STRN3: variants seen among roughly 807,000 people sequenced by gnomAD.
The protein encoded by STRN3 is striatin-3.
STRN3 carries 29 observed loss-of-function variants against 95.6 expected under a neutral mutation model. That is an observed-to-expected ratio of 0.30 (90% CI 0.23 to 0.41). The LOEUF is 0.41. Ranked by LOEUF, STRN3 falls within the 10% of genes least tolerant of loss-of-function variation. The pLI is 1.00. For missense variants in STRN3, 890 were observed against 972.1 expected, an observed-to-expected ratio of 0.92 and a Z score of 1.12; for synonymous variants, 331 against 357.6, an observed-to-expected ratio of 0.93 and a Z score of 0.84.
Position 30,894,950 on chromosome 14 carries a change from G to A in STRN3, c.*461C>T, listed in dbSNP as rs539865179. The A allele has an allele frequency of 4.8e-6, 5 of 1,049,262 alleles. No homozygotes were observed. The highest frequency in any genetic ancestry group is 8.1e-5 in the East Asian group (1 of 12,310). 65.0% of individuals were successfully genotyped at this position (1,049,262 alleles called of 1,614,324 possible). Reference sequence around the variant, plus strand: ...AAAAGGGAATCTGTGGCATTCAACCGATAAACAGAAGATCACTAAGAGATG... The same window carrying A: ...AAAAGGGAATCTGTGGCATTCAACCAATAAACAGAAGATCACTAAGAGATG... On this transcript the variant is annotated 3_prime_UTR_variant, in exon 18 of 18. Coordinates refer to ENST00000357479, the MANE Select transcript of STRN3 (RefSeq NM_001083893.2).
rs1181627848 is a variant in STRN3 at position 30,906,857 on chromosome 14, C to T, written c.1888+20G>A. 2 of 1,591,698 alleles carry T rather than the reference C, an allele frequency of 1.3e-6. No homozygotes were observed. The highest frequency in any genetic ancestry group is 1.7e-4 in the Middle Eastern group (1 of 5,912). On this transcript the variant is annotated intron_variant, in intron 14 of 17. Coordinates refer to ENST00000357479, the MANE Select transcript of STRN3 (RefSeq NM_001083893.2). ...TTTTTAAAAAAACTAACTTTTCTCA[C>T]AGATGCAAAATTTACTTACTTTTAT...
At chr14:30,975,612 G>A (rs1881062375) in intron 1 of STRN3, among the ~76,000 whole-genome samples, 1 of 150,138 alleles carries the variant, frequency 6.7e-6, no homozygotes, top group Non-Finnish European at 1.5e-5. Context: ...AAAAAGAAAA[G>A]AAAGAGGAAG....
chr14:31,020,214 A>G (rs1222370530), intron 1 of STRN3, among the ~76,000 whole-genome samples: 2 of 152,196 alleles, frequency 1.3e-5, no homozygotes, highest in Admixed American at 1.3e-4. Flanking sequence ...AAAGTGTTCA[A>G]TAGGTCAGGC....
At chr14:30,941,713 C>A (rs1323617425) in intron 5 of STRN3, among the ~76,000 whole-genome samples, 1 of 152,094 alleles carries the variant, frequency 6.6e-6, no homozygotes, top group Non-Finnish European at 1.5e-5. Context: ...GCAACCTCTG[C>A]CTACCAGGTT....
At chr14:30,930,901 T>C (rs986943570) in intron 7 of STRN3, among the ~76,000 whole-genome samples, 15 of 152,142 alleles carry the variant, frequency 9.9e-5, no homozygotes, top group Non-Finnish European at 1.2e-4. Context: ...TGATACATTA[T>C]GAGCAAATAT....
chr14:30,952,183 T>C (rs927595913), intron 3 of STRN3, among the ~76,000 whole-genome samples: 3 of 152,090 alleles, frequency 2.0e-5, no homozygotes, highest in African/African-American at 7.2e-5. Context: ...CTAGCATCTC[T>C]ATAACAAAAT....
chr14:30,956,567 TCAAA>T (rs569148660), intron 1 of STRN3, among the ~76,000 whole-genome samples: 100 of 152,194 alleles, frequency 6.6e-4, no homozygotes, highest in South Asian at 8.3e-4. Flanking sequence ...AGACTCTGTC[TCAAA>T]CAAACAAACA....
At chr14:30,917,055 T>C (rs1031106038) in intron 9 of STRN3, among the ~76,000 whole-genome samples, 3 of 152,154 alleles carry the variant, frequency 2.0e-5, no homozygotes, top group African/African-American at 7.2e-5. Flanking sequence ...TAAAATGAGG[T>C]AGGACATGGA....
chr14:30,939,728 T>C (rs1879002829), intron 5 of STRN3, among the ~76,000 whole-genome samples: 2 of 152,140 alleles, frequency 1.3e-5, no homozygotes, highest in African/African-American at 4.8e-5. Context: ...TCCTACACAC[T>C]AGGAACAACC....
At chr14:30,956,101 T>C in intron 2 of STRN3, 38 bp downstream of exon 2, 1 of 1,556,620 alleles carries the variant, frequency 6.4e-7, no homozygotes, top group Non-Finnish European at 8.9e-7. Flanking sequence ...TATACTATTG[T>C]TCTACTTTAT....
intron 16 of STRN3, among the ~76,000 whole-genome samples, chr14:30,896,293 G>A (rs573506868): frequency 6.6e-6 from 1 of 152,164 alleles, no homozygotes; most frequent in African/African-American, 2.4e-5. Flanking sequence ...ACACTGTAAA[G>A]CAATGACAAT....
rs558761743 is a variant in STRN3 at position 30,996,138 on chromosome 14, G to C, written c.282+29766C>G. ...AAATATCTCCCATAACAAACTTCAC[G>C]CATGCTAACTGCTGCCTCAGCTCCC... On this transcript the variant is annotated intron_variant, in intron 1 of 17. Coordinates refer to ENST00000357479, the MANE Select transcript of STRN3 (RefSeq NM_001083893.2). Among the ~76,000 whole-genome samples, 6 of 152,196 alleles carry C rather than the reference G, an allele frequency of 3.9e-5. No individual in the cohort carries two copies. In the South Asian group the frequency reaches 8.3e-4, roughly 21 times the overall value.
At chr14:30,956,977 G>A (rs966846165) in intron 1 of STRN3, among the ~76,000 whole-genome samples, 9 of 151,822 alleles carry the variant, frequency 5.9e-5, no homozygotes, top group Admixed American at 5.9e-4. Flanking sequence ...TGGCCAACAT[G>A]GTGAAACCCC....
chr14:30,926,354 T>C (rs1165724786), intron 8 of STRN3, among the ~76,000 whole-genome samples: 1 of 152,000 alleles, frequency 6.6e-6, no homozygotes, highest in Non-Finnish European at 1.5e-5. Flanking sequence ...TAAATGACTA[T>C]GAAACATTAA....
chr14:30,975,812 T>G (rs1202886274), intron 1 of STRN3, among the ~76,000 whole-genome samples: 1 of 128,194 alleles, frequency 7.8e-6, no homozygotes, highest in South Asian at 2.4e-4. Context: ...CCAGCCTGGG[T>G]GACAGAGACA....
At position 30,955,667 on chromosome 14, in the gene STRN3, C is replaced by T; in HGVS notation, c.413G>A (p.Gly138Asp). Reference protein sequence around the residue: ...ERAKYHKLKYGTELNQGDLKM... With the variant: ...ERAKYHKLKYDTELNQGDLKM... Reference sequence around the variant, plus strand: ...CAAGTCACCTTGGTTCAGTTCCGTGCCATATTTTAATTTGTGATATTTTGC... The same window carrying T: ...CAAGTCACCTTGGTTCAGTTCCGTGTCATATTTTAATTTGTGATATTTTGC... Residue 138 changes from glycine to aspartate, a missense_variant, in exon 3 of 18, where the codon GGC becomes GAC. This residue lies in a region of STRN3 where 526 missense variants were observed against 526.3 expected (regional missense o/e 1.00). Transcript: ENST00000357479. 1 of 1,580,682 alleles carries T rather than the reference C, an allele frequency of 6.3e-7. No homozygotes were observed.
intron 1 of STRN3, among the ~76,000 whole-genome samples, chr14:30,958,924 A>T (rs1479212013): frequency 1.3e-5 from 2 of 152,232 alleles, no homozygotes; most frequent in Non-Finnish European, 2.9e-5. Context: ...ACCACACACC[A>T]AAAAGCAAAA....
Position 30,894,661 on chromosome 14 carries a change from T to G in STRN3, c.*750A>C, listed in dbSNP as rs1594398493. The G allele has an allele frequency of 6.3e-6, 1 of 157,484 alleles. No homozygotes were observed. Among genetic ancestry groups the G allele is most frequent in the South Asian group, 1.8e-4 (1 of 5,470 alleles). 9.8% of individuals were successfully genotyped at this position (157,484 alleles called of 1,614,324 possible). ...TGATGAAAGTTATTTAGCATCTTTA[T>G]GGAAGGACTTAGCTGAGCTGTATTA... is the stretch of plus-strand genomic sequence containing the variant. On this transcript the variant is annotated 3_prime_UTR_variant, in exon 18 of 18. Coordinates refer to ENST00000357479, the MANE Select transcript of STRN3 (RefSeq NM_001083893.2).
intron 9 of STRN3, among the ~76,000 whole-genome samples, chr14:30,918,149 T>C (rs1896787006): frequency 1.3e-5 from 2 of 152,178 alleles, no homozygotes; most frequent in Admixed American, 1.3e-4. Flanking sequence ...AGAATAATGA[T>C]GCTGCCTTAT....
Sources: gnomAD v4.1 joint callset for allele counts (sites outside exome capture counted in the v4.1 genomes callset) on GRCh38, gnomAD v4.1.1 for gene constraint, gnomAD v4.1.1 regional missense constraint, MANE v1.5 for transcripts, NCBI Gene and HGNC (gene_info 2026-07-23, HGNC 2026-07-21) for gene names.